NTNG1: variants seen among roughly 807,000 people sequenced by gnomAD.
NTNG1 encodes the protein netrin G1.
Under a neutral mutation model 54.0 loss-of-function variants are expected in NTNG1, and 16 were observed. That is an observed-to-expected ratio of 0.30 (90% CI 0.20 to 0.45). NTNG1 has a LOEUF of 0.45. Among genes scored for constraint, NTNG1 ranks in the 20% least tolerant of loss-of-function variants. The pLI, the probability that NTNG1 is intolerant of heterozygous loss-of-function variation, is 1.00. For missense variants in NTNG1, 530 were observed against 678.7 expected, an observed-to-expected ratio of 0.78 and a Z score of 2.43; for synonymous variants, 255 against 263.1, an observed-to-expected ratio of 0.97 and a Z score of 0.30.
At chr1:107,210,376 C>T (rs936407796) in intron 2 of NTNG1, among the ~76,000 whole-genome samples, 2 of 151,928 alleles carry the variant, frequency 1.3e-5, no homozygotes, top group Admixed American at 6.6e-5. Context: ...GGCAGTGGTC[C>T]GGAGAACAGA....
At chr1:107,155,438 A>G (rs970767673) in intron 2 of NTNG1, among the ~76,000 whole-genome samples, 2 of 151,876 alleles carry the variant, frequency 1.3e-5, no homozygotes, top group Non-Finnish European at 1.5e-5. Flanking sequence ...CTCTATCTCT[A>G]TCTCTCTATC....
chr1:107,425,374 A>G (rs1474866057), intron 5 of NTNG1, among the ~76,000 whole-genome samples: 1 of 151,878 alleles, frequency 6.6e-6, no homozygotes, highest in Non-Finnish European at 1.5e-5. Flanking sequence ...TATTTTTTCC[A>G]TCTTTATGTC....
intron 2 of NTNG1, among the ~76,000 whole-genome samples, chr1:107,244,950 T>G (rs143666182): frequency 6.6e-6 from 1 of 152,178 alleles, no homozygotes; most frequent in Non-Finnish European, 1.5e-5. Context: ...CTGATAAGAT[T>G]TTATCTTTTC....
chr1:107,394,550 AC>A (rs1156576588), intron 3 of NTNG1, among the ~76,000 whole-genome samples: 1 of 151,364 alleles, frequency 6.6e-6, no homozygotes, highest in African/African-American at 2.4e-5. Context: ...ACTGTGTCTC[AC>A]CCCCCTTCGG....
chr1:107,234,931 C>T (rs543923729), intron 2 of NTNG1, among the ~76,000 whole-genome samples: 12 of 152,330 alleles, frequency 7.9e-5, no homozygotes, highest in African/African-American at 2.4e-4. Context: ...AGCAGAGTAT[C>T]ATGCATAAGC....
chr1:107,467,468 A>G (rs1677681469), intron 7 of NTNG1, among the ~76,000 whole-genome samples: 1 of 152,214 alleles, frequency 6.6e-6, no homozygotes, highest in Non-Finnish European at 1.5e-5. Flanking sequence ...ACTTAATAAC[A>G]ATCATTGAGT....
intron 3 of NTNG1, among the ~76,000 whole-genome samples, chr1:107,380,332 A>G (rs1042237026): frequency 1.3e-5 from 2 of 152,218 alleles, no homozygotes; most frequent in African/African-American, 4.8e-5. Context: ...AGTATTGCTA[A>G]TAGGACTTGG....
intron 2 of NTNG1, among the ~76,000 whole-genome samples, chr1:107,314,876 G>A (rs981641469): frequency 7.2e-5 from 11 of 152,152 alleles, no homozygotes; most frequent in African/African-American, 1.2e-4. Context: ...CTTCGATTGC[G>A]TTATCTGTAA....
chr1:107,416,027 A>T (rs1674174181), intron 5 of NTNG1, among the ~76,000 whole-genome samples: 1 of 152,166 alleles, frequency 6.6e-6, no homozygotes, highest in Non-Finnish European at 1.5e-5. Context: ...AACAAAATAC[A>T]TTTAAAAAAT....
intron 2 of NTNG1, among the ~76,000 whole-genome samples, chr1:107,232,460 G>T (rs1426576000): frequency 6.6e-6 from 1 of 152,030 alleles, no homozygotes; most frequent in Non-Finnish European, 1.5e-5. Context: ...CTTACTAATT[G>T]GTGTCACCAT....
intron 5 of NTNG1, chr1:107,410,181 A>G (rs1673706548): frequency 6.6e-6 from 1 of 152,196 alleles, no homozygotes; most frequent in African/African-American, 2.4e-5. Context: ...CCCGATTATC[A>G]CAGCATAGCT....
intron 7 of NTNG1, among the ~76,000 whole-genome samples, chr1:107,460,608 C>T (rs1027839529): frequency 1.3e-5 from 2 of 152,118 alleles, no homozygotes; most frequent in African/African-American, 2.4e-5. Flanking sequence ...TGTAATTATT[C>T]GATAGCTTCT....
intron 2 of NTNG1, among the ~76,000 whole-genome samples, chr1:107,160,540 T>G (rs1003804274): frequency 4.0e-5 from 6 of 151,772 alleles, no homozygotes; most frequent in African/African-American, 1.5e-4. Flanking sequence ...AATAGAGACG[T>G]ACGTAACATA....
intron 3 of NTNG1, among the ~76,000 whole-genome samples, chr1:107,377,544 T>A (rs933813551): frequency 6.6e-6 from 1 of 152,174 alleles, no homozygotes; most frequent in African/African-American, 2.4e-5. Context: ...AACTTCACCT[T>A]TGAGACAGCA....
intron 2 of NTNG1, among the ~76,000 whole-genome samples, chr1:107,261,849 C>A (rs1231766809): frequency 6.6e-6 from 1 of 151,968 alleles, no homozygotes; most frequent in Non-Finnish European, 1.5e-5. Context: ...TCTCAAAAAA[C>A]AAAACAAAAC....
At chr1:107,161,660 C>T (rs74756622) in intron 2 of NTNG1, among the ~76,000 whole-genome samples, 1 of 95,280 alleles carries the variant, frequency 1.0e-5, no homozygotes. Flanking sequence ...AACTGTGTCT[C>T]AAAAAAAAAA....
chr1:107,291,760 T>C (rs1665621300), intron 2 of NTNG1, among the ~76,000 whole-genome samples: 1 of 152,160 alleles, frequency 6.6e-6, no homozygotes, highest in African/African-American at 2.4e-5. Context: ...GTGAATACAT[T>C]TTCTAAATTC....
rs189162009 is a variant in NTNG1, at chr1:107,403,215, G to T, written c.1061-4467G>T. On this transcript the variant is annotated intron_variant, in intron 4 of 7. Coordinates refer to ENST00000370068, the MANE Select transcript of NTNG1 (RefSeq NM_001113226.3). Reference sequence around the variant, plus strand: ...GAATATCTTTAAAACAAACGTAAGTGGGAGAAGGAAGGGCTGATTGAGGAA... The same window carrying T: ...GAATATCTTTAAAACAAACGTAAGTTGGAGAAGGAAGGGCTGATTGAGGAA... 3.4e-3 allele frequency among the ~76,000 whole-genome samples: 523 copies of T among 152,166 alleles called. 5 individuals are homozygous for T. Among genetic ancestry groups the T allele is most frequent in the African/African-American group, 0.012 (499 of 41,510 alleles).
At chr1:107,432,213 A>T (rs1009452546) in intron 6 of NTNG1, among the ~76,000 whole-genome samples, 6 of 152,184 alleles carry the variant, frequency 3.9e-5, no homozygotes, top group Non-Finnish European at 7.3e-5. Flanking sequence ...GATAAATGGG[A>T]TGCACAGGAA....
Sources: gnomAD v4.1 joint callset for allele counts (sites outside exome capture counted in the v4.1 genomes callset) on GRCh38, gnomAD v4.1.1 for gene constraint, MANE v1.5 for transcripts, NCBI Gene and HGNC (gene_info 2026-07-23, HGNC 2026-07-21) for gene names.